OR8G5: variants seen among roughly 807,000 people sequenced by gnomAD.
The protein encoded by OR8G5 is olfactory receptor 8G5.
For missense variants in OR8G5, 347 were observed against 371.9 expected (o/e 0.93, Z 0.55); for synonymous variants, 147 against 147.7 (o/e 1.00, Z 0.03).
chr11:124,260,907 A>G (rs551302713), intron 1 of OR8G5, among the ~76,000 whole-genome samples: 4 of 152,070 alleles, frequency 2.6e-5, no homozygotes, highest in Admixed American at 1.3e-4. Context: ...GTTACTGAAC[A>G]TTAGGAACTA....
chr11:124,257,462 A>G (rs1861924727), intron 1 of OR8G5, among the ~76,000 whole-genome samples: 2 of 152,174 alleles, frequency 1.3e-5, no homozygotes, highest in African/African-American at 4.8e-5. Context: ...TCTTCATGGA[A>G]GAGAGATGTG....
rs771542762 is a variant in OR8G5, at chr11:124,264,974, G to A, written c.43G>A (p.Val15Ile). The change falls in exon 2 of 2, where the codon GTT becomes ATT. Residue 15 changes from valine to isoleucine, a missense_variant. Physicochemically the swap from Val to Ile is conservative, Grantham distance 29. Transcript: ENST00000641992. ...NHSFVTKFIL[V>I]GLTEKSELQL... is the part of the protein sequence containing the mutation. ...TTCTTTTGTGACTAAGTTTATTCTG[G>A]TTGGGCTAACAGAGAAGTCAGAGCT... 6.2e-7 allele frequency: 1 copy of A among 1,613,920 alleles called. No homozygotes were observed. The highest frequency in any genetic ancestry group is 8.5e-7 in the Non-Finnish European group (1 of 1,179,866).
chr11:124,261,075 T>G (rs1861966633), intron 1 of OR8G5, among the ~76,000 whole-genome samples: 1 of 151,870 alleles, frequency 6.6e-6, no homozygotes, highest in South Asian at 2.1e-4. Flanking sequence ...ATATAAAATA[T>G]TTGTCTTTCT....
chr11:124,265,106 ATG>A lies in OR8G5; in HGVS notation c.177_178del (p.Met59IlefsTer11), dbSNP rs1294315827. 9 of 1,613,956 alleles carry A rather than the reference ATG, an allele frequency of 5.6e-6. No homozygotes were observed. The highest frequency in any genetic ancestry group is 7.6e-6 in the Non-Finnish European group (9 of 1,180,016). ...GCTCAGTTCTCACCTGCACACACCT[ATG>A]TACTGTTTCCTCAGCAGTCTGTCCT... is the stretch of plus-strand genomic sequence containing the variant. ...IGLSSHLHTPMYCFLSSLSFI... is the reference protein window; with the variant it reads ...IGLSSHLHTPXYCFLSSLSFI... On this transcript the variant is annotated frameshift_variant, in exon 2 of 2. Transcript: ENST00000641992. LOFTEE classifies it low-confidence loss of function (END_TRUNC).
chr11:124,260,188 T>A (rs745498906), intron 1 of OR8G5, among the ~76,000 whole-genome samples: 2 of 152,042 alleles, frequency 1.3e-5, no homozygotes, highest in Non-Finnish European at 2.9e-5. Context: ...TTTTTTGTCT[T>A]TAAATAATTT....
In OR8G5 at chr11:124,265,340, T is replaced by C; in HGVS notation, c.409T>C (p.Ser137Pro). 6.2e-7 allele frequency: 1 copy of C among 1,614,030 alleles called. No homozygotes were observed. Among genetic ancestry groups the C allele is most frequent in the Non-Finnish European group, 8.5e-7 (1 of 1,179,902 alleles). Residue 137 changes from serine to proline, a missense_variant, in exon 2 of 2, where the codon TCC becomes CCC. Ser to Pro is a moderately conservative substitution (Grantham distance 74, BLOSUM62 -1). Coordinates refer to ENST00000641992, the MANE Select transcript of OR8G5 (RefSeq NM_001005198.2). Reference sequence around the variant, plus strand: ...CCCCTTGCTGTACAGCATCATCATATCCAATAAGGCTTGCTTTTCTCTGAT... The same window carrying C: ...CCCCTTGCTGTACAGCATCATCATACCCAATAAGGCTTGCTTTTCTCTGAT... ...CSPLLYSIII[S>P]NKACFSLILV...
At position 124,265,658 on chromosome 11, in the gene OR8G5, T is replaced by C. The variant is rs2137762627; in HGVS notation, c.727T>C (p.Ser243Pro). 1 of 1,614,012 alleles carries C rather than the reference T, an allele frequency of 6.2e-7. No individual in the cohort carries two copies. The highest frequency in any genetic ancestry group is 1.3e-5 in the African/African-American group (1 of 75,036). The change falls in exon 2 of 2, where the codon TCC (serine) becomes CCC (proline). Residue 243 changes from serine to proline, a missense_variant. Transcript: ENST00000641992. ...GTCCAAAGCCTTCAGCACTTGCAGCTCCCACATCTCGGCTGTTTCTGTTTT... is the reference window on the plus strand; with the variant it reads ...GTCCAAAGCCTTCAGCACTTGCAGCCCCCACATCTCGGCTGTTTCTGTTTT... ...GRSKAFSTCS[S>P]HISAVSVFFG...
rs1367858465 is a variant in OR8G5, at chr11:124,264,876, A to G, written c.-14-42A>G. 18 of 1,607,728 alleles carry G rather than the reference A, an allele frequency of 1.1e-5. No homozygotes were observed. In the South Asian group the frequency reaches 1.3e-4, roughly 12 times the overall value. On this transcript the variant is annotated intron_variant, in intron 1 of 1. Transcript: ENST00000641992. ...ACTTTCCTACAAAAGGAGAATAACA[A>G]TACAATTCACCTAAATACCATGTTT...
At chr11:124,262,363 G>A in intron 1 of OR8G5, among the ~76,000 whole-genome samples, 1 of 150,494 alleles carries the variant, frequency 6.6e-6, no homozygotes, top group South Asian at 2.1e-4. Flanking sequence ...AAAACATAAT[G>A]TAAAATGTTT....
In OR8G5 at chr11:124,265,388, C is replaced by T; in HGVS notation, c.457C>T (p.Leu153=). 6.2e-7 allele frequency: 1 copy of T among 1,613,966 alleles called. No individual in the cohort carries two copies. Among genetic ancestry groups the T allele is most frequent in the Middle Eastern group, 1.6e-4 (1 of 6,062 alleles). ...GATTTTAGTGGTGTATGTAATAGGC[C>T]TGATTTGTGCGTCAGCTCATATAGG... ...SLILVVYVIG[L]ICASAHIGCM... The change falls in exon 2 of 2, where the codon CTG becomes TTG. Residue 153 remains leucine (L), a synonymous_variant. Transcript: ENST00000641992.
chr11:124,264,905 C>T lies in OR8G5; in HGVS notation c.-14-13C>T. ...AATTCACCTAAATACCATGTTTTTT[C>T]TCTCCCCTGCAGAAACTCATCAAAG... is the stretch of plus-strand genomic sequence containing the variant. On this transcript the variant is annotated splice_polypyrimidine_tract_variant and intron_variant, in intron 1 of 1. Transcript: ENST00000641992. 6.2e-7 allele frequency: 1 copy of T among 1,611,988 alleles called. No homozygotes were observed. The highest frequency in any genetic ancestry group is 8.5e-7 in the Non-Finnish European group (1 of 1,178,580).
intron 1 of OR8G5, among the ~76,000 whole-genome samples, chr11:124,260,228 C>T (rs971048710): frequency 1.3e-5 from 2 of 151,840 alleles, no homozygotes; most frequent in Non-Finnish European, 2.9e-5. Context: ...CCATAGAATA[C>T]CACTGAGCCA....
intron 1 of OR8G5, among the ~76,000 whole-genome samples, chr11:124,264,221 A>G (rs118180783): frequency 0.017 from 2,655 of 152,306 alleles, 46 homozygotes; most frequent in Admixed American, 0.041. Context: ...GGTATTGGCT[A>G]GTAAATGACG....
rs1862017709 is a variant in OR8G5 at position 124,265,362 on chromosome 11, T to C, written c.431T>C (p.Leu144Pro). The change falls in exon 2 of 2, where the codon CTG (leucine) becomes CCG (proline). Residue 144 changes from leucine (L) to proline (P), a missense_variant. By Grantham distance (98) the Leu-to-Pro change is moderately conservative. Coordinates refer to ENST00000641992, the MANE Select transcript of OR8G5 (RefSeq NM_001005198.2). ...ATATCCAATAAGGCTTGCTTTTCTCTGATTTTAGTGGTGTATGTAATAGGC... is the reference window on the plus strand; with the variant it reads ...ATATCCAATAAGGCTTGCTTTTCTCCGATTTTAGTGGTGTATGTAATAGGC... Reference protein sequence around the residue: ...IIISNKACFSLILVVYVIGLI... With the variant: ...IIISNKACFSPILVVYVIGLI... 2 of 1,614,062 alleles carry C rather than the reference T, an allele frequency of 1.2e-6. No homozygotes were observed. Among genetic ancestry groups the C allele is most frequent in the Non-Finnish European group, 1.7e-6 (2 of 1,179,900 alleles).
chr11:124,264,373 G>A (rs1862006194), intron 1 of OR8G5, among the ~76,000 whole-genome samples: 1 of 152,166 alleles, frequency 6.6e-6, no homozygotes, highest in South Asian at 2.1e-4. Flanking sequence ...CACTGCAGCA[G>A]ATAGATATTC....
intron 1 of OR8G5, among the ~76,000 whole-genome samples, chr11:124,260,155 T>TA (rs1565319000): frequency 6.7e-6 from 1 of 149,690 alleles, no homozygotes; most frequent in Non-Finnish European, 1.5e-5. Flanking sequence ...AATTTGTTGA[T>TA]ATATTTTTCA....
rs760246638 is a variant in OR8G5, at chr11:124,265,012, C to T, written c.81C>T (p.Leu27=). 7 of 1,614,012 alleles carry T rather than the reference C, an allele frequency of 4.3e-6. No individual in the cohort carries two copies. Among genetic ancestry groups the T allele is most frequent in the Non-Finnish European group, 5.9e-6 (7 of 1,179,920 alleles). ...AGAAGTCAGAGCTACAGCTGCCCCT[C>T]TTCCTCGTCTTCCTGGGAATCTATG... ...LTEKSELQLP[L]FLVFLGIYVV... The change falls in exon 2 of 2, where the codon CTC becomes CTT. Residue 27 remains leucine (L), a synonymous_variant. Transcript: ENST00000641992.
intron 1 of OR8G5, among the ~76,000 whole-genome samples, chr11:124,263,274 A>AT (rs1861991094): frequency 6.6e-6 from 1 of 152,116 alleles, no homozygotes; most frequent in Non-Finnish European, 1.5e-5. Context: ...TCTTAATGTC[A>AT]TTAATTTTGT....
Position 124,265,257 on chromosome 11 carries a change from T to C in OR8G5, c.326T>C (p.Ile109Thr). 2 of 1,614,084 alleles carry C rather than the reference T, an allele frequency of 1.2e-6. No individual in the cohort carries two copies. Among genetic ancestry groups the C allele is most frequent in the Non-Finnish European group, 1.7e-6 (2 of 1,179,904 alleles). The change falls in exon 2 of 2, where the codon ATT becomes ACT. Residue 109 changes from isoleucine (I) to threonine (T), a missense_variant. Ile to Thr is a moderately conservative substitution (Grantham distance 89, BLOSUM62 -1). Transcript: ENST00000641992. ...TQLYFFLVFA[I>T]AECHMLAAMA... is the part of the protein sequence containing the mutation. ...CTCTACTTCTTCCTCGTTTTTGCTA[T>C]TGCAGAGTGTCACATGTTGGCTGCA...
Sources: gnomAD v4.1 joint callset for allele counts (sites outside exome capture counted in the v4.1 genomes callset) on GRCh38, gnomAD v4.1.1 for gene constraint, MANE v1.5 for transcripts, NCBI Gene and HGNC (gene_info 2026-07-23, HGNC 2026-07-21) for gene names.